TSPEAR: variants seen among roughly 807,000 people sequenced by gnomAD.
TSPEAR encodes thrombospondin-type laminin G domain and EAR repeat-containing protein.
Under a neutral mutation model 71.6 loss-of-function variants are expected in TSPEAR, and 69 were observed. The observed-to-expected ratio is 0.96, with a 90% confidence interval of 0.79 to 1.18. The LOEUF (loss-of-function observed/expected upper bound fraction) is 1.18. Among genes scored for constraint, TSPEAR ranks in the 50% most tolerant of loss-of-function variants. The pLI, the probability that TSPEAR is intolerant of heterozygous loss-of-function variation, is 0.00. For synonymous variants in TSPEAR, 402 were observed against 387.2 expected (o/e 1.04, Z -0.45); for missense variants, 971 against 894.9 (o/e 1.09, Z -1.09).
chr21:44,552,049 G>A (rs2053450917), intron 2 of TSPEAR, among the ~76,000 whole-genome samples: 1 of 152,200 alleles, frequency 6.6e-6, no homozygotes, highest in South Asian at 2.1e-4. Flanking sequence ...AGAAGGAGAT[G>A]GAATGTTCTG....
At chr21:44,629,962 G>C (rs1983161939) in intron 1 of TSPEAR, among the ~76,000 whole-genome samples, 1 of 152,236 alleles carries the variant, frequency 6.6e-6, no homozygotes, top group Non-Finnish European at 1.5e-5. Context: ...GGGAAAGTGG[G>C]GGCCACAGGG....
intron 6 of TSPEAR, among the ~76,000 whole-genome samples, chr21:44,527,819 G>C (rs587635645): frequency 6.6e-6 from 1 of 152,310 alleles, no homozygotes; most frequent in South Asian, 2.1e-4. Context: ...ATGTGAAAGA[G>C]AGCAGCTCAC....
chr21:44,541,564 G>A (rs73907015), intron 2 of TSPEAR, among the ~76,000 whole-genome samples: 5,335 of 152,276 alleles, frequency 0.035, 318 homozygotes, highest in African/African-American at 0.12. Flanking sequence ...TTCTTACTGA[G>A]GCATTTACCA....
rs1555916824 is a variant in TSPEAR at position 44,539,414 on chromosome 21, A to T, written c.304-5491T>A. The T allele has an allele frequency of 3.1e-6, 5 of 1,602,862 alleles. No homozygotes were observed. The highest frequency in any genetic ancestry group is 1.7e-4 in the Middle Eastern group (1 of 5,860). ...AGGGGCACAGCAGGAGGAGACAGGCATACAGCAGGCGGGCCGGCATACAGG... is the reference window on the plus strand; with the variant it reads ...AGGGGCACAGCAGGAGGAGACAGGCTTACAGCAGGCGGGCCGGCATACAGG... On this transcript the variant is annotated intron_variant, in intron 2 of 11. Transcript: ENST00000323084.
chr21:44,651,205 CAGTCACCACA>C (rs1227586995), intron 1 of TSPEAR, among the ~76,000 whole-genome samples: 2 of 152,154 alleles, frequency 1.3e-5, no homozygotes, highest in Admixed American at 6.5e-5. Context: ...AGTGACAGCC[CAGTCACCACA>C]GGTCTCCAGA....
rs1212117976 is a variant in TSPEAR, at chr21:44,508,739, GTCC to G, written c.1754+457_1754+459del. 4.8e-6 allele frequency: 6 copies of G among 1,260,324 alleles called. No homozygotes were observed. In the South Asian group the frequency reaches 5.3e-5, roughly 11 times the overall value. 78.1% of individuals were successfully genotyped at this position (1,260,324 alleles called of 1,614,324 possible). ...TCTGTCTCAACAGGCCAGTCTCCGTGTCCTGGTGTTTGTTGTCGGGGAGGATGC... is the reference window on the plus strand; with the variant it reads ...TCTGTCTCAACAGGCCAGTCTCCGTGTGGTGTTTGTTGTCGGGGAGGATGC... On this transcript the variant is annotated intron_variant, in intron 10 of 11. Coordinates refer to ENST00000323084, the MANE Select transcript of TSPEAR (RefSeq NM_144991.3).
chr21:44,695,955 C>T lies in TSPEAR; in HGVS notation c.82+15478G>A, dbSNP rs1243685097. ...AGCTCTCCCTTAATCTCAGGATCCTCCAGGCTAGATGAGCCCTGGGGCTCT... is the reference window on the plus strand; with the variant it reads ...AGCTCTCCCTTAATCTCAGGATCCTTCAGGCTAGATGAGCCCTGGGGCTCT... On this transcript the variant is annotated intron_variant, in intron 1 of 11. Transcript: ENST00000323084. The surrounding 1 kb of genome is among the most constrained non-coding windows in gnomAD (Gnocchi z 4.5). 6.6e-6 allele frequency among the ~76,000 whole-genome samples: 1 copy of T among 152,172 alleles called. No homozygotes were observed. The highest frequency in any genetic ancestry group is 1.5e-5 in the Non-Finnish European group (1 of 68,022).
At chr21:44,577,410 G>A (rs1555924119) in intron 1 of TSPEAR, among the ~76,000 whole-genome samples, 1 of 152,218 alleles carries the variant, frequency 6.6e-6, no homozygotes. Context: ...GGCACCTGCT[G>A]AGCTTCTGCT....
chr21:44,514,095 G>A (rs1026328446), intron 9 of TSPEAR, among the ~76,000 whole-genome samples: 8 of 152,190 alleles, frequency 5.3e-5, no homozygotes, highest in East Asian at 1.9e-4. Flanking sequence ...GAAGTCATGG[G>A]GCATAGCTGC....
At chr21:44,634,461 A>C (rs957885198) in intron 1 of TSPEAR, among the ~76,000 whole-genome samples, 43 of 152,344 alleles carry the variant, frequency 2.8e-4, no homozygotes, top group African/African-American at 1.0e-3. Context: ...AAGCATAAGC[A>C]ACAAAAGGAA....
chr21:44,698,028 T>C, intron 1 of TSPEAR: 2 of 1,478,032 alleles, frequency 1.4e-6, no homozygotes, highest in South Asian at 1.3e-5. Context: ...CTCCCACTAC[T>C]GGCCCCTCGG....
At position 44,520,463 on chromosome 21, in the gene TSPEAR, C is replaced by T. The variant is rs1461125221; in HGVS notation, c.1566+1420G>A. The T allele has an allele frequency of 6.6e-6, 1 of 152,260 alleles. No homozygotes were observed. The highest frequency in any genetic ancestry group is 2.4e-5 in the African/African-American group (1 of 41,448). The allele number at this position is 152,260 out of a possible 1,614,324, so 9.4% of individuals were successfully genotyped here. ...GACCATGAGTGCCCGAAGGGTGGGG[C>T]GGTGGTCACCTGGATGACGCTGTGC... On this transcript the variant is annotated intron_variant, in intron 9 of 11. Coordinates refer to ENST00000323084, the MANE Select transcript of TSPEAR (RefSeq NM_144991.3). This position sits in a 1 kb window ranked among gnomAD's most constrained non-coding sequence, Gnocchi z 4.2.
intron 1 of TSPEAR, among the ~76,000 whole-genome samples, chr21:44,673,738 A>C (rs1986167737): frequency 6.6e-6 from 1 of 152,202 alleles, no homozygotes; most frequent in Admixed American, 6.5e-5. Context: ...ACTAACTTTA[A>C]AAAATCAAAA....
rs782733511 is a variant in TSPEAR at position 44,558,512 on chromosome 21, C to T, written c.303+9273G>A. 2.9e-5 allele frequency: 46 copies of T among 1,613,610 alleles called. No individual in the cohort carries two copies. The Admixed American group carries it at 3.2e-4, about 11-fold the overall frequency. ...GCGTGCAGGAGCTGGTGCAGCCTGA[C>T]TGGCAGGGGCTGGGCTCACAGGCCG... On this transcript the variant is annotated intron_variant, in intron 2 of 11. Transcript: ENST00000323084.
chr21:44,505,542 C>A (rs1412501356), intron 10 of TSPEAR, among the ~76,000 whole-genome samples: 1 of 139,534 alleles, frequency 7.2e-6, no homozygotes, highest in Non-Finnish European at 1.6e-5. Context: ...AGCTCTGCAC[C>A]CAGTAAACAT....
At chr21:44,572,987 G>C (rs960241794) in intron 1 of TSPEAR, among the ~76,000 whole-genome samples, 1 of 151,910 alleles carries the variant, frequency 6.6e-6, no homozygotes, top group Non-Finnish European at 1.5e-5. Flanking sequence ...GGAGCGGGGT[G>C]AGACAGTGCC....
chr21:44,610,900 C>A (rs11702169), intron 1 of TSPEAR, among the ~76,000 whole-genome samples: 1 of 152,028 alleles, frequency 6.6e-6, no homozygotes, highest in Non-Finnish European at 1.5e-5. Context: ...AAATTTGACT[C>A]CCCTGCTGGA....
At chr21:44,699,052 G>T (rs1351880138) in intron 1 of TSPEAR, among the ~76,000 whole-genome samples, 14 of 152,036 alleles carry the variant, frequency 9.2e-5, no homozygotes, top group African/African-American at 3.1e-4. Context: ...ACAAAAATTA[G>T]CAGGGCATCA....
At chr21:44,504,027 A>ATGG in intron 11 of TSPEAR, among the ~76,000 whole-genome samples, 1 of 76,698 alleles carries the variant, frequency 1.3e-5, no homozygotes, top group East Asian at 5.1e-4. Flanking sequence ...AGCCCTCAGC[A>ATGG]GGAAGCAAGG....
Sources: allele counts gnomAD v4.1 joint callset (sites outside exome capture counted in the v4.1 genomes callset), GRCh38; gene constraint gnomAD v4.1.1; non-coding constraint Gnocchi (gnomAD v3.1); transcripts MANE v1.5; gene names NCBI Gene and HGNC (gene_info 2026-07-23, HGNC 2026-07-21).